Variants in C1QB observed in about 807,000 individuals in gnomAD.
The protein encoded by C1QB is complement C1q subcomponent subunit B.
Under a neutral mutation model 4.6 loss-of-function variants are expected in C1QB, and 2 were observed. The observed-to-expected ratio is 0.43, with a 90% CI of 0.18 to 1.36. C1QB has a LOEUF of 1.36. Ranked by LOEUF, C1QB falls within the 40% of genes most tolerant of loss-of-function variation. The pLI, the probability that C1QB is intolerant of heterozygous loss-of-function variation, is 0.28. For synonymous variants in C1QB, 132 were observed against 137.1 expected, an observed-to-expected ratio of 0.96 and a Z score of 0.26; for missense variants, 292 against 338.0, an observed-to-expected ratio of 0.86 and a Z score of 1.07.
At chr1:22,658,102 G>A (rs937257485) in intron 1 of C1QB, among the ~76,000 whole-genome samples, 10 of 152,252 alleles carry the variant, frequency 6.6e-5, no homozygotes, top group Admixed American at 2.0e-4. Context: ...AAGGTGGCCC[G>A]TTCATAAGCA....
chr1:22,654,150 G>A (rs1269647734), intron 1 of C1QB: 1 of 152,394 alleles, frequency 6.6e-6, no homozygotes, highest in Non-Finnish European at 1.5e-5. Flanking sequence ...TGGACCGAAG[G>A]AGATGGAAAG....
chr1:22,659,434 C>T lies in C1QB; in HGVS notation c.-23-6C>T, dbSNP rs1642586633. ...GTGGTAACCTCTCACATTGTCTTCT[C>T]CACAGGAGGCGTCTGACACAGTATG... On this transcript the variant is annotated splice_polypyrimidine_tract_variant and splice_region_variant and intron_variant, in intron 1 of 2. Coordinates refer to ENST00000509305, the MANE Select transcript of C1QB (RefSeq NM_001378156.1). 6.2e-7 allele frequency: 1 copy of T among 1,613,608 alleles called. No homozygotes were observed. The highest frequency in any genetic ancestry group is 8.5e-7 in the Non-Finnish European group (1 of 1,179,882).
intron 1 of C1QB, among the ~76,000 whole-genome samples, chr1:22,655,573 T>C (rs12722729): frequency 0.2 from 30,038 of 152,004 alleles, 3,659 homozygotes; most frequent in South Asian, 0.33. Flanking sequence ...GTTAGAATAG[T>C]TTGCTGGGTG....
At chr1:22,654,931 C>T (rs552013360) in intron 1 of C1QB, among the ~76,000 whole-genome samples, 1 of 152,258 alleles carries the variant, frequency 6.6e-6, no homozygotes, top group South Asian at 2.1e-4. Context: ...ATGTTTTTAC[C>T]ACCAGGTACA....
intron 2 of C1QB, 118 bp downstream of exon 2, chr1:22,659,761 C>T: frequency 8.1e-7 from 1 of 1,231,550 alleles, no homozygotes; most frequent in Non-Finnish European, 1.2e-6. Context: ...CAGCAGCTTG[C>T]TGAACCCTTG....
chr1:22,658,630 C>G (rs1363100371), intron 1 of C1QB, among the ~76,000 whole-genome samples: 1 of 152,224 alleles, frequency 6.6e-6, no homozygotes, highest in Admixed American at 6.5e-5. Context: ...TTCACTGAAT[C>G]CCCAGCACCT....
rs1642614399 is a variant in C1QB, at chr1:22,661,084, G to C, written c.454G>C (p.Glu152Gln). 2 of 1,614,076 alleles carry C rather than the reference G, an allele frequency of 1.2e-6. No individual in the cohort carries two copies. The highest frequency in any genetic ancestry group is 8.5e-7 in the Non-Finnish European group (1 of 1,179,992). Residue 152 changes from glutamate (E) to glutamine (Q), a missense_variant, in exon 3 of 3, where the codon GAG becomes CAG. By Grantham distance (29) the Glu-to-Gln change is conservative. Transcript: ENST00000509305. ...GATCACCAACATGAACAACAATTAT[G>C]AGCCCCGCAGTGGCAAGTTCACCTG... The part of the protein sequence containing the change: ...HVITNMNNNY[E>Q]PRSGKFTCKV...
intron 1 of C1QB, 133 bp from the exon 2 acceptor site, chr1:22,659,306 AT>A: frequency 4.3e-6 from 3 of 693,856 alleles, no homozygotes; most frequent in South Asian, 4.2e-5. Flanking sequence ...GGATGGATGG[AT>A]GGATGGATGG....
chr1:22,657,000 G>C (rs1463515597), intron 1 of C1QB, among the ~76,000 whole-genome samples: 1 of 152,176 alleles, frequency 6.6e-6, no homozygotes, highest in East Asian at 1.9e-4. Context: ...CAGGTCCCTG[G>C]GCATGCTGCC....
chr1:22,661,484 C>T lies in C1QB; in HGVS notation c.*98C>T, dbSNP rs979552030. 4.0e-5 allele frequency: 56 copies of T among 1,384,198 alleles called. No individual in the cohort carries two copies. The highest frequency in any genetic ancestry group is 5.5e-5 in the Non-Finnish European group (54 of 979,504). 85.7% of individuals were successfully genotyped at this position (1,384,198 alleles called of 1,614,324 possible). On this transcript the variant is annotated 3_prime_UTR_variant, in exon 3 of 3. Transcript: ENST00000509305. ...TGCCCAACCAATGCACACAGTAGGG[C>T]TTGGTGAATGCTGCTGAGTGAATGA...
Position 22,660,837 on chromosome 1 carries a change from T to C in C1QB, c.207T>C (p.His69=), listed in dbSNP as rs376904083. The C allele has an allele frequency of 2.5e-6, 4 of 1,613,776 alleles. No individual in the cohort carries two copies. Among genetic ancestry groups the C allele is most frequent in the East Asian group, 2.2e-5 (1 of 44,828 alleles). Residue 69 remains histidine, a synonymous_variant, in exon 3 of 3, where the codon CAT becomes CAC. Coordinates refer to ENST00000509305, the MANE Select transcript of C1QB (RefSeq NM_001378156.1). ...GGCTTCCAGGGCTGGCTGGAGACCA[T>C]GGTGAGTTCGGAGAGAAGGGAGACC... ...EKGLPGLAGD[H]GEFGEKGDPG... is the part of the protein sequence containing the mutation.
chr1:22,659,607 G>A lies in C1QB; in HGVS notation c.145G>A (p.Gly49Ser). Residue 49 changes from glycine to serine, a missense_variant, in exon 2 of 3, where the codon GGC (glycine) becomes AGC (serine). Gly to Ser is a moderately conservative substitution (Grantham distance 56). Coordinates refer to ENST00000509305, the MANE Select transcript of C1QB (RefSeq NM_001378156.1). ...PGIPGTPGPD[G>S]QPGTPGIKGE... ...TATCCCTGGGACACCTGGCCCCGAT[G>A]GCCAACCTGGGACCCCAGGGATAAA... is the stretch of plus-strand genomic sequence containing the variant. 6.2e-7 allele frequency: 1 copy of A among 1,613,824 alleles called. No homozygotes were observed. Among genetic ancestry groups the A allele is most frequent in the Non-Finnish European group, 8.5e-7 (1 of 1,179,836 alleles).
intron 1 of C1QB, among the ~76,000 whole-genome samples, chr1:22,658,128 T>A (rs898322415): frequency 6.6e-6 from 1 of 152,166 alleles, no homozygotes; most frequent in Non-Finnish European, 1.5e-5. Context: ...ATACCCTGAA[T>A]TCAGAAGCTC....
chr1:22,659,037 A>ATG (rs1642573416), intron 1 of C1QB, among the ~76,000 whole-genome samples: 2 of 112,126 alleles, frequency 1.8e-5, no homozygotes, highest in Admixed American at 1.7e-4. Context: ...ATAGAGAGAC[A>ATG]GATGGATGGA....
At chr1:22,659,675 A>G in intron 2 of C1QB, 32 bp downstream of exon 2, 5 of 1,587,140 alleles carry the variant, frequency 3.2e-6, no homozygotes, top group Non-Finnish European at 4.3e-6. Flanking sequence ...CACTGGTAAT[A>G]CTGACCAAAT....
rs550825917 is a variant in C1QB at position 22,656,980 on chromosome 1, C to T, written c.-23-2460C>T. Among the ~76,000 whole-genome samples, 11 of 152,330 alleles carry T rather than the reference C, an allele frequency of 7.2e-5. No individual in the cohort carries two copies. The East Asian group carries it at 2.1e-3, about 29-fold the overall frequency. ...GAGGTATGAGGGAAGAGGCGTGCCACTGTCATGCCCAGGTCCCTGGGCATG... is the reference window on the plus strand; with the variant it reads ...GAGGTATGAGGGAAGAGGCGTGCCATTGTCATGCCCAGGTCCCTGGGCATG... On this transcript the variant is annotated intron_variant, in intron 1 of 2. Coordinates refer to ENST00000509305, the MANE Select transcript of C1QB (RefSeq NM_001378156.1).
rs1642522312 is a variant in C1QB, at chr1:22,655,867, TCC to T, written c.-24+2565_-24+2566del. ...ACAGTTCAGCCTCTGAGGAAAGGTTTCCTGGAGGAAGAAGGCTTTGACCCAAG... is the reference window on the plus strand; with the variant it reads ...ACAGTTCAGCCTCTGAGGAAAGGTTTTGGAGGAAGAAGGCTTTGACCCAAG... On this transcript the variant is annotated intron_variant, in intron 1 of 2. Transcript: ENST00000509305. Among the ~76,000 whole-genome samples, 3 of 152,302 alleles carry T rather than the reference TCC, an allele frequency of 2.0e-5. No homozygotes were observed. In the East Asian group the frequency reaches 5.8e-4, roughly 29 times the overall value.
In C1QB at chr1:22,661,459, T is replaced by G. The variant is rs2148306681; in HGVS notation, c.*73T>G. 1.3e-6 allele frequency: 2 copies of G among 1,560,574 alleles called. No homozygotes were observed. The highest frequency in any genetic ancestry group is 1.4e-5 in the African/African-American group (1 of 73,924). On this transcript the variant is annotated 3_prime_UTR_variant, in exon 3 of 3. Transcript: ENST00000509305. ...TCACTCTACCCCCAACACCACCCCT[T>G]GCCCAACCAATGCACACAGTAGGGC...
chr1:22,653,448 C>T (rs1030711178), intron 1 of C1QB, 145 bp downstream of exon 1: 1 of 152,274 alleles, frequency 6.6e-6, no homozygotes. Context: ...CAATCCCAGA[C>T]CTATGGGACC....
Sources: allele counts gnomAD v4.1 joint callset (sites outside exome capture counted in the v4.1 genomes callset), GRCh38; gene constraint gnomAD v4.1.1; transcripts MANE v1.5; gene names NCBI Gene and HGNC (gene_info 2026-07-23, HGNC 2026-07-21).